Variants in GRID2 observed in about 807,000 individuals in gnomAD.
GRID2 encodes glutamate ionotropic receptor delta type subunit 2, also known as glutamate receptor ionotropic, delta-2.
Under a neutral mutation model 114.8 loss-of-function variants are expected in GRID2, and 33 were observed. The ratio of observed to expected loss-of-function variants is 0.29; its 90% CI spans 0.22 to 0.38. The LOEUF is 0.38. Ranked by LOEUF, GRID2 falls within the 10% of genes least tolerant of loss-of-function variation. The pLI is 1.00. For missense variants in GRID2, 1,184 were observed against 1,257.7 expected (o/e 0.94, Z 0.89); for synonymous variants, 505 against 449.9 (o/e 1.12, Z -1.55).
In GRID2 at chr4:92,557,027, C is replaced by T. The variant is rs139239572; in HGVS notation, c.89-33104C>T. 5.9e-5 allele frequency among the ~76,000 whole-genome samples: 9 copies of T among 151,986 alleles called. No individual in the cohort carries two copies. The South Asian group carries it at 1.9e-3, about 32-fold the overall frequency. On this transcript the variant is annotated intron_variant, in intron 1 of 15. Coordinates refer to ENST00000282020, the MANE Select transcript of GRID2 (RefSeq NM_001510.4). ...GTTTTCATTCATAAAACATCTATTG[C>T]CCAACAGAGAAAACGATGCTGAATT... is the stretch of plus-strand genomic sequence containing the variant.
chr4:92,954,306 G>A (rs1436349960), intron 2 of GRID2, among the ~76,000 whole-genome samples: 1 of 152,042 alleles, frequency 6.6e-6, no homozygotes, highest in Non-Finnish European at 1.5e-5. Context: ...TTTTGGATAT[G>A]ACATCTAATT....
chr4:93,075,802 G>C (rs763481217), intron 2 of GRID2, among the ~76,000 whole-genome samples: 4 of 145,428 alleles, frequency 2.8e-5, no homozygotes, highest in Non-Finnish European at 4.5e-5. Context: ...TAAATTATTT[G>C]AAAAGCTAAA....
At chr4:93,454,458 G>A (rs575895593) in intron 10 of GRID2, among the ~76,000 whole-genome samples, 2 of 152,086 alleles carry the variant, frequency 1.3e-5, no homozygotes, top group East Asian at 3.9e-4. Context: ...ACGAAATGGA[G>A]AGGAAAACAC....
At chr4:92,879,811 A>G (rs1405662773) in intron 2 of GRID2, among the ~76,000 whole-genome samples, 1 of 152,254 alleles carries the variant, frequency 6.6e-6, no homozygotes, top group Non-Finnish European at 1.5e-5. Flanking sequence ...AATTTGTTCT[A>G]CCTGGATTAG....
At chr4:93,127,449 A>T (rs1734380985) in intron 4 of GRID2, among the ~76,000 whole-genome samples, 2 of 152,200 alleles carry the variant, frequency 1.3e-5, no homozygotes, top group Non-Finnish European at 2.9e-5. Context: ...ATTGACAGCA[A>T]GAAATGACTT....
chr4:92,690,058 A>G (rs1393102126), intron 2 of GRID2, among the ~76,000 whole-genome samples: 1 of 152,056 alleles, frequency 6.6e-6, no homozygotes, highest in Non-Finnish European at 1.5e-5. Context: ...TACTGGAGTC[A>G]CCCTTAAAAA....
chr4:92,431,550 TTTTA>T (rs1194813907), intron 1 of GRID2, among the ~76,000 whole-genome samples: 1 of 151,762 alleles, frequency 6.6e-6, no homozygotes, highest in Admixed American at 6.6e-5. Flanking sequence ...TGGCCTGTAG[TTTTA>T]TTTATTTATT....
At chr4:92,834,151 A>G (rs1055298703) in intron 2 of GRID2, among the ~76,000 whole-genome samples, 1 of 152,160 alleles carries the variant, frequency 6.6e-6, no homozygotes, top group Non-Finnish European at 1.5e-5. Context: ...TTATATTTAT[A>G]TTGCAATGTA....
intron 14 of GRID2, among the ~76,000 whole-genome samples, chr4:93,712,645 G>A (rs545082705): frequency 2.0e-5 from 3 of 152,056 alleles, no homozygotes; most frequent in Non-Finnish European, 2.9e-5. Context: ...TCCTGACGTG[G>A]TACGTAATTC....
chr4:93,722,927 A>G lies in GRID2; in HGVS notation c.2361-46283A>G, dbSNP rs146765850. On this transcript the variant is annotated intron_variant, in intron 14 of 15. Coordinates refer to ENST00000282020, the MANE Select transcript of GRID2 (RefSeq NM_001510.4). ...AATTCTAAACTTCTTCCAAACAGATACTGAAAACCATGTAACCACCCCAGG... is the reference window on the plus strand; with the variant it reads ...AATTCTAAACTTCTTCCAAACAGATGCTGAAAACCATGTAACCACCCCAGG... Among the ~76,000 whole-genome samples, 4 of 152,342 alleles carry G rather than the reference A, an allele frequency of 2.6e-5. No homozygotes were observed. The East Asian group carries it at 7.7e-4, about 29-fold the overall frequency.
intron 10 of GRID2, among the ~76,000 whole-genome samples, chr4:93,427,366 T>C (rs1039825927): frequency 2.0e-5 from 3 of 152,058 alleles, no homozygotes; most frequent in African/African-American, 7.2e-5. Context: ...ATAATATACA[T>C]ACTTTTGTGA....
At chr4:92,861,426 A>G (rs1744524832) in intron 2 of GRID2, among the ~76,000 whole-genome samples, 1 of 152,106 alleles carries the variant, frequency 6.6e-6, no homozygotes, top group South Asian at 2.1e-4. Flanking sequence ...TCTTGGGGCT[A>G]TCTGAGAATT....
At chr4:92,565,377 A>C (rs1727286579) in intron 1 of GRID2, among the ~76,000 whole-genome samples, 1 of 151,954 alleles carries the variant, frequency 6.6e-6, no homozygotes, top group Admixed American at 6.6e-5. Flanking sequence ...CTGAATTCAT[A>C]TGCTTGCTAA....
chr4:92,320,519 G>T (rs1212477521), intron 1 of GRID2, among the ~76,000 whole-genome samples: 1 of 151,842 alleles, frequency 6.6e-6, no homozygotes, highest in South Asian at 2.1e-4. Context: ...CTGTTGCCCA[G>T]ACTGGAGTGT....
chr4:92,805,807 A>T (rs142812981), intron 2 of GRID2, among the ~76,000 whole-genome samples: 1,898 of 152,042 alleles, frequency 0.012, 20 homozygotes, highest in Admixed American at 0.024. Flanking sequence ...AAAAGAAAGA[A>T]AAAAAAGTAA....
At chr4:92,545,683 C>T (rs1224063343) in intron 1 of GRID2, among the ~76,000 whole-genome samples, 1 of 152,066 alleles carries the variant, frequency 6.6e-6, no homozygotes. Context: ...AGGATATAGC[C>T]AACATATTAT....
At chr4:92,462,704 C>T (rs1721556748) in intron 1 of GRID2, among the ~76,000 whole-genome samples, 1 of 150,528 alleles carries the variant, frequency 6.6e-6, no homozygotes, top group African/African-American at 2.4e-5. Flanking sequence ...GTTAAGTGAT[C>T]GGTTTAAAAA....
At chr4:93,336,289 G>A (rs1759080840) in intron 8 of GRID2, among the ~76,000 whole-genome samples, 1 of 151,890 alleles carries the variant, frequency 6.6e-6, no homozygotes, top group Non-Finnish European at 1.5e-5. Context: ...AGAATTTATA[G>A]CAATGATATT....
intron 14 of GRID2, among the ~76,000 whole-genome samples, chr4:93,683,255 A>C (rs1188270996): frequency 6.6e-6 from 1 of 152,004 alleles, no homozygotes; most frequent in Non-Finnish European, 1.5e-5. Context: ...AAGTTACATC[A>C]CAAGAGTCTG....
Sources: gnomAD v4.1 joint callset for allele counts (sites outside exome capture counted in the v4.1 genomes callset) on GRCh38, gnomAD v4.1.1 for gene constraint, MANE v1.5 for transcripts, NCBI Gene and HGNC (gene_info 2026-07-23, HGNC 2026-07-21) for gene names.